The following PITPNB variants were observed in gnomAD, a reference collection of about 807,000 sequenced individuals.
The protein encoded by PITPNB is phosphatidylinositol transfer protein beta.
Under a neutral mutation model 45.9 loss-of-function variants are expected in PITPNB, and 16 were observed. The ratio of observed to expected loss-of-function variants is 0.35; its 90% CI spans 0.24 to 0.53. The LOEUF is 0.53. Among genes scored for constraint, PITPNB ranks in the 20% least tolerant of loss-of-function variants. The probability of loss-of-function intolerance (pLI) is 0.93; values close to 1 mark genes in which losing one functional copy is unlikely to be tolerated. For synonymous variants in PITPNB, 112 were observed against 108.9 expected (o/e 1.03, Z -0.18); for missense variants, 188 against 330.5 (o/e 0.57, Z 3.34).
chr22:27,887,705 C>G (rs1456698895), intron 7 of PITPNB, among the ~76,000 whole-genome samples: 2 of 152,130 alleles, frequency 1.3e-5, no homozygotes, highest in African/African-American at 4.8e-5. Flanking sequence ...AAGTTTTAGG[C>G]ACTAAACATT....
At chr22:27,866,118 T>C (rs910410633) in intron 8 of PITPNB, among the ~76,000 whole-genome samples, 7 of 152,202 alleles carry the variant, frequency 4.6e-5, no homozygotes, top group Non-Finnish European at 8.8e-5. Flanking sequence ...AATGGTTGAT[T>C]ACAAAGAGAA....
rs752917178 is a variant in PITPNB at position 27,919,235 on chromosome 22, C to T, written c.-44G>A. The T allele has an allele frequency of 1.9e-6, 3 of 1,553,640 alleles. No individual in the cohort carries two copies. Among genetic ancestry groups the T allele is most frequent in the Non-Finnish European group, 1.8e-6 (2 of 1,127,994 alleles). On this transcript the variant is annotated 5_prime_UTR_variant, in exon 1 of 12. Coordinates refer to ENST00000335272, the MANE Select transcript of PITPNB (RefSeq NM_012399.5). ...CAGCTGCCGCCGATACCACCGCCGC[C>T]GCCGCCGCTACCGCCTCTCACAGCG...
chr22:27,855,748 C>T (rs1226445966), intron 10 of PITPNB, among the ~76,000 whole-genome samples: 1 of 152,198 alleles, frequency 6.6e-6, no homozygotes, highest in Non-Finnish European at 1.5e-5. Flanking sequence ...GTGTGCCTAA[C>T]CTCTCAAGAT....
intron 5 of PITPNB, 121 bp from the exon 6 acceptor site, chr22:27,896,747 C>G (rs1055713523): frequency 1.5e-6 from 1 of 657,970 alleles, no homozygotes; most frequent in African/African-American, 1.8e-5. Context: ...GACTGATACT[C>G]AAGTGACAAA....
At chr22:27,871,805 G>A (rs976398398) in intron 8 of PITPNB, among the ~76,000 whole-genome samples, 1 of 152,150 alleles carries the variant, frequency 6.6e-6, no homozygotes, top group Non-Finnish European at 1.5e-5. Flanking sequence ...AATGTTAGAG[G>A]TAAAGCCTCT....
intron 8 of PITPNB, among the ~76,000 whole-genome samples, chr22:27,861,677 C>T (rs1049656031): frequency 1.3e-5 from 2 of 152,066 alleles, no homozygotes; most frequent in Admixed American, 6.6e-5. Context: ...AGGCAGACTG[C>T]AAGTATGGTC....
intron 7 of PITPNB, among the ~76,000 whole-genome samples, chr22:27,881,758 C>A (rs544064711): frequency 6.6e-6 from 1 of 151,902 alleles, no homozygotes; most frequent in Non-Finnish European, 1.5e-5. Context: ...TGAGAGAGAA[C>A]CAAAAGGACT....
chr22:27,886,858 A>G (rs1935135731), intron 7 of PITPNB, among the ~76,000 whole-genome samples: 1 of 152,216 alleles, frequency 6.6e-6, no homozygotes, highest in Non-Finnish European at 1.5e-5. Flanking sequence ...AGCAAGTAAT[A>G]TGAAAGAAAC....
intron 1 of PITPNB, among the ~76,000 whole-genome samples, chr22:27,918,785 C>T (rs913847383): frequency 1.3e-5 from 2 of 152,170 alleles, no homozygotes; most frequent in Non-Finnish European, 2.9e-5. Flanking sequence ...TCAGAACCAA[C>T]GTGTCTCTCC....
At chr22:27,914,239 G>A (rs1936014087) in intron 2 of PITPNB, 78 bp downstream of exon 2, 7 of 866,546 alleles carry the variant, frequency 8.1e-6, no homozygotes, top group Admixed American at 5.5e-5. Context: ...TCAATACTAC[G>A]AAAATGTGAG....
In PITPNB at chr22:27,919,207, TCA is replaced by T; in HGVS notation, c.-18_-17del. On this transcript the variant is annotated 5_prime_UTR_variant, in exon 1 of 12. Coordinates refer to ENST00000335272, the MANE Select transcript of PITPNB (RefSeq NM_012399.5). ...TCAGCACCATCTTCCCGGAACCCCC[TCA>T]CAGCTGCCGCCGATACCACCGCCGC... 1 of 1,610,800 alleles carries T rather than the reference TCA, an allele frequency of 6.2e-7. No individual in the cohort carries two copies. Among genetic ancestry groups the T allele is most frequent in the Non-Finnish European group, 8.5e-7 (1 of 1,178,034 alleles).
At position 27,911,088 on chromosome 22, in the gene PITPNB, A is replaced by T. The variant is rs1935907210; in HGVS notation, c.73T>A (p.Ser25Thr). Residue 25 changes from serine to threonine, a missense_variant, in exon 3 of 12, where the codon TCT becomes ACT. Physicochemically the swap from Ser to Thr is moderately conservative, Grantham distance 58. Transcript: ENST00000335272. ...TCATTCTTACTAGCTTCTGCAACAG[A>T]GTAAAGCTGCCCAACCTGATACTGA... is the stretch of plus-strand genomic sequence containing the variant. ...VQEYQVGQLY[S>T]VAEASKNETG... 1 of 1,613,212 alleles carries T rather than the reference A, an allele frequency of 6.2e-7. No individual in the cohort carries two copies. The highest frequency in any genetic ancestry group is 1.3e-5 in the African/African-American group (1 of 75,028).
At chr22:27,896,981 A>C in intron 5 of PITPNB, 149 bp downstream of exon 5, 1 of 709,264 alleles carries the variant, frequency 1.4e-6, no homozygotes, top group South Asian at 1.7e-5. Context: ...CACTGGGAAC[A>C]TGTGGTAGAG....
intron 8 of PITPNB, among the ~76,000 whole-genome samples, chr22:27,865,977 C>T (rs764943273): frequency 6.6e-6 from 1 of 152,186 alleles, no homozygotes; most frequent in African/African-American, 2.4e-5. Flanking sequence ...CAGCCCAAAC[C>T]TAACATTTTC....
At chr22:27,909,963 T>G (rs1390830364) in intron 3 of PITPNB, among the ~76,000 whole-genome samples, 3 of 150,584 alleles carry the variant, frequency 2.0e-5, no homozygotes, top group Non-Finnish European at 1.5e-5. Flanking sequence ...TTTTTTTTTT[T>G]TTTTTTGAGA....
rs144958975 is a variant in PITPNB, at chr22:27,918,273, A to T, written c.20+899T>A. ...AAGGTGTCTGAAAAAAGCTAAATTA[A>T]GCCAAAAATATTTCTAAGAATTTAA... On this transcript the variant is annotated intron_variant, in intron 1 of 11. Transcript: ENST00000335272. 6.8e-3 allele frequency among the ~76,000 whole-genome samples: 1,030 copies of T among 152,300 alleles called. 7 individuals carry two copies. The highest frequency in any genetic ancestry group is 0.023 in the African/African-American group (935 of 41,544).
intron 7 of PITPNB, among the ~76,000 whole-genome samples, chr22:27,890,864 T>C (rs1569022857): frequency 6.6e-6 from 1 of 152,174 alleles, no homozygotes; most frequent in African/African-American, 2.4e-5. Context: ...AAATGTGGTC[T>C]ATCCATACAC....
chr22:27,883,877 T>C (rs748430715), intron 7 of PITPNB, among the ~76,000 whole-genome samples: 39 of 151,942 alleles, frequency 2.6e-4, no homozygotes, highest in Non-Finnish European at 2.5e-4. Context: ...GGGGGAGGTG[T>C]GAGTGAGCTG....
chr22:27,872,080 GGTT>G (rs1934677634), intron 8 of PITPNB, among the ~76,000 whole-genome samples: 1 of 110,672 alleles, frequency 9.0e-6, no homozygotes, highest in African/African-American at 3.4e-5. Flanking sequence ...AATTAAGCCT[GGTT>G]TTTTTTTTTT....
Sources: gnomAD v4.1 joint callset for allele counts (sites outside exome capture counted in the v4.1 genomes callset) on GRCh38, gnomAD v4.1.1 for gene constraint, MANE v1.5 for transcripts, NCBI Gene and HGNC (gene_info 2026-07-23, HGNC 2026-07-21) for gene names.